LINGO2: variants seen among roughly 807,000 people sequenced by gnomAD.
The protein encoded by LINGO2 is leucine-rich repeat and immunoglobulin-like domain-containing nogo receptor-interacting protein 2.
In LINGO2, 14 loss-of-function variants were observed where a neutral mutation model predicts 30.6. The ratio of observed to expected loss-of-function variants is 0.46; its 90% CI spans 0.30 to 0.72. LINGO2 has a LOEUF of 0.72. LINGO2 is among the 30% of genes least tolerant of loss of function. The pLI is 0.07. For synonymous variants in LINGO2, 317 were observed against 288.5 expected, an observed-to-expected ratio of 1.10 and a Z score of -1.00; for missense variants, 729 against 751.7, an observed-to-expected ratio of 0.97 and a Z score of 0.35.
chr9:28,879,539 G>A, the LINGO2 span, among the ~76,000 whole-genome samples: 2 of 152,166 alleles, frequency 1.3e-5, no homozygotes, highest in African/African-American at 4.8e-5. Context: ...AATTACCACT[G>A]AAATTTGTGC....
At chr9:28,224,627 G>T (rs1200047738) in intron 4 of LINGO2, among the ~76,000 whole-genome samples, 1 of 151,990 alleles carries the variant, frequency 6.6e-6, no homozygotes, top group Non-Finnish European at 1.5e-5. Flanking sequence ...CTGTATTTTT[G>T]TACCCATTTT....
intron 5 of LINGO2, among the ~76,000 whole-genome samples, chr9:27,955,573 T>C (rs1426429664): frequency 3.3e-5 from 5 of 152,188 alleles, no homozygotes; most frequent in Admixed American, 6.5e-5. Context: ...ATATATACTC[T>C]TATGTCCAGC....
chr9:28,582,325 T>C (rs1824297156), intron 1 of LINGO2, among the ~76,000 whole-genome samples: 1 of 152,084 alleles, frequency 6.6e-6, no homozygotes, highest in South Asian at 2.1e-4. Flanking sequence ...AAGACTCAAA[T>C]CTGAGATAAC....
the LINGO2 span, among the ~76,000 whole-genome samples, chr9:28,725,454 A>G: frequency 6.6e-6 from 1 of 152,054 alleles, no homozygotes; most frequent in Admixed American, 6.5e-5. Flanking sequence ...TGAACAACGT[A>G]TCACCGTTCT....
chr9:28,602,828 TG>T (rs1405421032), intron 1 of LINGO2, among the ~76,000 whole-genome samples: 17 of 152,074 alleles, frequency 1.1e-4, no homozygotes, highest in Middle Eastern at 3.2e-3. Flanking sequence ...TGTACATCTG[TG>T]TCACAAAACA....
chr9:29,064,065 A>T, the LINGO2 span, among the ~76,000 whole-genome samples: 1 of 152,166 alleles, frequency 6.6e-6, no homozygotes, highest in African/African-American at 2.4e-5. Flanking sequence ...TAATTGTCGC[A>T]GTGAACATCT....
chr9:29,039,083 G>C, the LINGO2 span, among the ~76,000 whole-genome samples: 21 of 152,134 alleles, frequency 1.4e-4, no homozygotes, highest in Non-Finnish European at 5.9e-5. Flanking sequence ...GCCAACAGCT[G>C]TACAACCAGC....
chr9:29,185,914 T>G, the LINGO2 span, among the ~76,000 whole-genome samples: 1 of 152,208 alleles, frequency 6.6e-6, no homozygotes, highest in South Asian at 2.1e-4. Flanking sequence ...CACTAGATTA[T>G]GTGGAAGTCT....
chr9:28,229,108 A>G (rs943984258), intron 4 of LINGO2, among the ~76,000 whole-genome samples: 25 of 151,824 alleles, frequency 1.6e-4, no homozygotes, highest in Non-Finnish European at 2.8e-4. Context: ...AAAACAGGAG[A>G]GGAATTCTTT....
chr9:28,558,441 C>G (rs956470209), intron 1 of LINGO2, among the ~76,000 whole-genome samples: 1 of 151,986 alleles, frequency 6.6e-6, no homozygotes, highest in Non-Finnish European at 1.5e-5. Context: ...TATTCCTATC[C>G]TGTGTCCACG....
At chr9:28,680,562 A>T in the LINGO2 span, among the ~76,000 whole-genome samples, 1 of 152,050 alleles carries the variant, frequency 6.6e-6, no homozygotes, top group South Asian at 2.1e-4. Context: ...GGCTGTGCTA[A>T]TTTATATTTC....
chr9:28,741,790 G>GTATCCAT, the LINGO2 span, among the ~76,000 whole-genome samples: 2 of 151,712 alleles, frequency 1.3e-5, no homozygotes, highest in East Asian at 3.9e-4. Flanking sequence ...CCTAGAGTCT[G>GTATCCAT]GGTCTGCGTG....
At chr9:28,560,913 G>A (rs1284521689) in intron 1 of LINGO2, among the ~76,000 whole-genome samples, 1 of 151,968 alleles carries the variant, frequency 6.6e-6, no homozygotes, top group Non-Finnish European at 1.5e-5. Context: ...GAGCTCAAGT[G>A]ATCCACCTGC....
the LINGO2 span, among the ~76,000 whole-genome samples, chr9:29,003,420 T>G: frequency 2.0e-5 from 3 of 151,886 alleles, no homozygotes; most frequent in Non-Finnish European, 4.4e-5. Flanking sequence ...TTTCTACCAC[T>G]TTTACAGGTG....
Position 28,082,525 on chromosome 9 carries a change from C to T in LINGO2, c.-86-70120G>A, listed in dbSNP as rs112174582. On this transcript the variant is annotated intron_variant, in intron 4 of 5. Transcript: ENST00000379992. The stretch of plus-strand genomic sequence containing the variant: ...TTCTAGCTGTAAATTATGGGTATAA[C>T]ATTTGAGTAGGAATTTGCAATGAGA... 6.3e-3 allele frequency among the ~76,000 whole-genome samples: 955 copies of T among 152,102 alleles called. 12 individuals carry two copies. Among genetic ancestry groups the T allele is most frequent in the African/African-American group, 0.022 (902 of 41,482 alleles).
the LINGO2 span, among the ~76,000 whole-genome samples, chr9:28,685,114 A>G: frequency 6.6e-6 from 1 of 152,168 alleles, no homozygotes; most frequent in Non-Finnish European, 1.5e-5. Context: ...TTTGCTTAGG[A>G]TAATGGCTTC....
chr9:29,146,980 A>AT, the LINGO2 span, among the ~76,000 whole-genome samples: 1 of 152,160 alleles, frequency 6.6e-6, no homozygotes, highest in East Asian at 1.9e-4. Flanking sequence ...CAATAATTAG[A>AT]TTTTTTGTTA....
chr9:27,953,163 A>G (rs985540743), intron 5 of LINGO2, among the ~76,000 whole-genome samples: 4 of 152,160 alleles, frequency 2.6e-5, no homozygotes, highest in Admixed American at 6.5e-5. Flanking sequence ...CAGAATTAAC[A>G]AGGGTAGAAG....
chr9:28,723,658 C>T, the LINGO2 span, among the ~76,000 whole-genome samples: 1 of 152,044 alleles, frequency 6.6e-6, no homozygotes, highest in Non-Finnish European at 1.5e-5. Flanking sequence ...TCAAAGTAGC[C>T]CTGTTGGTTC....
Sources: gnomAD v4.1 joint callset for allele counts (sites outside exome capture counted in the v4.1 genomes callset) on GRCh38, gnomAD v4.1.1 for gene constraint, MANE v1.5 for transcripts, NCBI Gene and HGNC (gene_info 2026-07-23, HGNC 2026-07-21) for gene names.